The following NPAS3 variants were observed in gnomAD, a reference collection of about 807,000 sequenced individuals.
NPAS3 encodes the protein neuronal PAS domain protein 3, also known as neuronal PAS domain-containing protein 3.
Under a neutral mutation model 73.1 loss-of-function variants are expected in NPAS3, and 14 were observed. The observed-to-expected ratio is 0.19, with a 90% confidence interval of 0.13 to 0.30. The LOEUF (loss-of-function observed/expected upper bound fraction) is 0.30. Among genes scored for constraint, NPAS3 ranks in the 10% least tolerant of loss-of-function variants. The pLI, the probability that NPAS3 is intolerant of heterozygous loss-of-function variation, is 1.00. For synonymous variants in NPAS3, 620 were observed against 541.5 expected (o/e 1.14, Z -2.01); for missense variants, 1,096 against 1,250.0 (o/e 0.88, Z 1.86).
At chr14:33,340,824 G>A (rs566155314) in intron 3 of NPAS3, among the ~76,000 whole-genome samples, 5 of 152,220 alleles carry the variant, frequency 3.3e-5, no homozygotes, top group South Asian at 2.1e-4. Context: ...AGGTGCTTGC[G>A]AAAGAAATCT....
In NPAS3 at chr14:33,355,195, T is replaced by G. The variant is rs191582858; in HGVS notation, c.386-11991T>G. On this transcript the variant is annotated intron_variant, in intron 3 of 11. Transcript: ENST00000356141. ...CATCCCCACCAATCCGTAGCTTGTT[T>G]GCCTGGAAAACTAACACTCATATCT... Among the ~76,000 whole-genome samples the G allele has an allele frequency of 6.2e-4, 94 of 152,354 alleles. No homozygotes were observed. The East Asian group carries it at 0.012, about 20-fold the overall frequency.
intron 2 of NPAS3, among the ~76,000 whole-genome samples, chr14:33,175,732 C>CAAT (rs1566640941): frequency 6.6e-6 from 1 of 152,030 alleles, no homozygotes; most frequent in Non-Finnish European, 1.5e-5. Context: ...CATACAACAT[C>CAAT]CCAATGGGAT....
In NPAS3 at chr14:33,422,794, T is replaced by C. The variant is rs1462164427; in HGVS notation, c.468+55526T>C. Among the ~76,000 whole-genome samples the C allele has an allele frequency of 2.6e-5, 4 of 151,996 alleles. No homozygotes were observed. The East Asian group carries it at 7.7e-4, about 29-fold the overall frequency. ...ACTCTCTTTGAAAGTGTTAGTTTGG[T>C]TAATACTTAAGTCACAAAGATTGAT... On this transcript the variant is annotated intron_variant, in intron 4 of 11. Transcript: ENST00000356141.
intron 7 of NPAS3, among the ~76,000 whole-genome samples, chr14:33,747,108 A>G (rs912743363): frequency 3.5e-4 from 53 of 152,140 alleles, no homozygotes; most frequent in African/African-American, 1.3e-3. Context: ...AAATGACTAT[A>G]AATCATGCTG....
In NPAS3 at chr14:33,067,968, T is replaced by A. The variant is rs79221786; in HGVS notation, c.140+11974T>A. The stretch of plus-strand genomic sequence containing the variant: ...ATTTTCTTTTAAAACTTCCCTTCTT[T>A]TCACATCCCCTTAATTCAAGCTATT... On this transcript the variant is annotated intron_variant, in intron 2 of 11. Transcript: ENST00000356141. 0.018 allele frequency among the ~76,000 whole-genome samples: 2,797 copies of A among 152,280 alleles called. 301 individuals carry two copies. The East Asian group carries it at 0.33, about 18-fold the overall frequency.
chr14:33,163,432 G>A (rs2044985964), intron 2 of NPAS3, among the ~76,000 whole-genome samples: 1 of 152,122 alleles, frequency 6.6e-6, no homozygotes, highest in Non-Finnish European at 1.5e-5. Flanking sequence ...CGCAAATTGA[G>A]TTGATATGTA....
chr14:33,797,941 T>G (rs1232336159), intron 11 of NPAS3, among the ~76,000 whole-genome samples: 1 of 152,082 alleles, frequency 6.6e-6, no homozygotes, highest in Admixed American at 6.5e-5. Flanking sequence ...CAGATCTCTT[T>G]CTTTAAATAT....
intron 4 of NPAS3, among the ~76,000 whole-genome samples, chr14:33,471,991 A>G (rs1243899801): frequency 6.6e-6 from 1 of 152,232 alleles, no homozygotes; most frequent in Non-Finnish European, 1.5e-5. Context: ...CACACTCCTT[A>G]TTAGAATCTA....
intron 2 of NPAS3, among the ~76,000 whole-genome samples, chr14:33,069,849 T>G (rs2041422297): frequency 6.6e-6 from 1 of 152,190 alleles, no homozygotes; most frequent in African/African-American, 2.4e-5. Context: ...AGTTACCTGG[T>G]TAATGAATGT....
chr14:33,661,311 T>A (rs2059301601), intron 5 of NPAS3, among the ~76,000 whole-genome samples: 1 of 152,174 alleles, frequency 6.6e-6, no homozygotes, highest in African/African-American at 2.4e-5. Flanking sequence ...TATATGCCAG[T>A]CAGTCTTAAT....
intron 2 of NPAS3, among the ~76,000 whole-genome samples, chr14:33,081,900 G>A (rs1255436816): frequency 6.6e-6 from 1 of 152,166 alleles, no homozygotes; most frequent in Non-Finnish European, 1.5e-5. Flanking sequence ...TGCCCTGGAC[G>A]GCAAACTAAC....
chr14:33,574,810 C>T (rs967845127), intron 5 of NPAS3, among the ~76,000 whole-genome samples: 3 of 151,168 alleles, frequency 2.0e-5, no homozygotes, highest in Non-Finnish European at 4.4e-5. Flanking sequence ...TCTTCCTCTT[C>T]TGCTGAGAAG....
intron 4 of NPAS3, among the ~76,000 whole-genome samples, chr14:33,466,495 C>G (rs184659804): frequency 1.3e-5 from 2 of 152,174 alleles, no homozygotes; most frequent in Non-Finnish European, 2.9e-5. Context: ...TTTGAGAAGA[C>G]GTGGGAAGAC....
At chr14:33,424,653 GC>G (rs1353476818) in intron 4 of NPAS3, among the ~76,000 whole-genome samples, 1 of 151,766 alleles carries the variant, frequency 6.6e-6, no homozygotes, top group Admixed American at 6.6e-5. Context: ...GATAGACGAT[GC>G]CCACATTCTC....
At chr14:33,426,668 A>T (rs1468994326) in intron 4 of NPAS3, among the ~76,000 whole-genome samples, 1 of 152,030 alleles carries the variant, frequency 6.6e-6, no homozygotes, top group East Asian at 1.9e-4. Context: ...GAGAGTGCAG[A>T]TGGGGTACAG....
At chr14:33,595,322 G>A (rs1010892524) in intron 5 of NPAS3, among the ~76,000 whole-genome samples, 1 of 151,288 alleles carries the variant, frequency 6.6e-6, no homozygotes, top group African/African-American at 2.4e-5. Context: ...TATCTTCTCT[G>A]CCTCTTTTTT....
chr14:33,680,858 G>C (rs557967944), intron 6 of NPAS3: 17 of 513,766 alleles, frequency 3.3e-5, no homozygotes, highest in Middle Eastern at 4.2e-4. Context: ...GTAAAGTATG[G>C]GTTATCATGT....
intron 2 of NPAS3, among the ~76,000 whole-genome samples, chr14:33,056,578 T>G (rs548520816): frequency 6.6e-6 from 1 of 152,352 alleles, no homozygotes; most frequent in African/African-American, 2.4e-5. Flanking sequence ...CTTTGTCCAT[T>G]ACTTAACAGA....
At chr14:33,288,669 A>G (rs1005796529) in intron 3 of NPAS3, among the ~76,000 whole-genome samples, 3 of 151,970 alleles carry the variant, frequency 2.0e-5, no homozygotes, top group Admixed American at 1.3e-4. Context: ...CATTTGGTCA[A>G]GCAGAATGCG....
Sources: allele counts gnomAD v4.1 joint callset (sites outside exome capture counted in the v4.1 genomes callset), GRCh38; gene constraint gnomAD v4.1.1; transcripts MANE v1.5; gene names NCBI Gene and HGNC (gene_info 2026-07-23, HGNC 2026-07-21).